TCF12: variants seen among roughly 807,000 people sequenced by gnomAD.
The protein encoded by TCF12 is transcription factor 12.
TCF12 carries 45 observed loss-of-function variants against 86.0 expected under a neutral mutation model. The observed-to-expected ratio is 0.52, with a 90% CI of 0.41 to 0.67. The LOEUF (loss-of-function observed/expected upper bound fraction) is 0.67, where lower values mean the gene tolerates loss of function less well. Among genes scored for constraint, TCF12 ranks in the 30% least tolerant of loss-of-function variants. The pLI is 0.00. For missense variants in TCF12, 881 were observed against 859.9 expected (o/e 1.02, Z -0.31); for synonymous variants, 330 against 299.6 (o/e 1.10, Z -1.05).
intron 8 of TCF12, among the ~76,000 whole-genome samples, chr15:57,206,417 AAATAAAGCTTTATTTATGAAAATAG>A (rs1182861599): frequency 5.0e-4 from 76 of 152,242 alleles, no homozygotes; most frequent in Non-Finnish European, 7.2e-4. Flanking sequence ...TTATGAAAAT[AAATAAAGCTTTATTTATGAAAATAG>A]AAGTTTGCCA....
intron 18 of TCF12, among the ~76,000 whole-genome samples, chr15:57,270,080 T>C (rs1222642322): frequency 6.6e-6 from 1 of 152,208 alleles, no homozygotes; most frequent in African/African-American, 2.4e-5. Flanking sequence ...GTTCTCTGTA[T>C]TTCCTGAATT....
chr15:57,232,534 T>G (rs1389238360), intron 10 of TCF12, 104 bp downstream of exon 10: 2 of 1,491,424 alleles, frequency 1.3e-6, no homozygotes, highest in East Asian at 2.3e-5. Flanking sequence ...CTTCTGAAGT[T>G]TGAAGTACTT....
chr15:57,041,092 G>A (rs2066866553), intron 3 of TCF12, among the ~76,000 whole-genome samples: 1 of 152,114 alleles, frequency 6.6e-6, no homozygotes, highest in Non-Finnish European at 1.5e-5. Context: ...ATTTGAGGCA[G>A]GATGTCCTAC....
At chr15:57,010,420 T>TA (rs1280637414) in intron 3 of TCF12, among the ~76,000 whole-genome samples, 5 of 151,860 alleles carry the variant, frequency 3.3e-5, no homozygotes, top group Non-Finnish European at 7.4e-5. Flanking sequence ...ATCTTTAAGT[T>TA]AAAAAAAATT....
chr15:57,232,926 A>G, intron 11 of TCF12, 70 bp downstream of exon 11: 2 of 1,051,366 alleles, frequency 1.9e-6, no homozygotes, highest in Non-Finnish European at 2.5e-6. Flanking sequence ...ATCTTTATAT[A>G]TATATATGTA....
chr15:57,126,059 C>T (rs548159745), intron 5 of TCF12, among the ~76,000 whole-genome samples: 1 of 152,126 alleles, frequency 6.6e-6, no homozygotes, highest in African/African-American at 2.4e-5. Context: ...GATGAAACCA[C>T]GTCCCTACTA....
intron 12 of TCF12, among the ~76,000 whole-genome samples, chr15:57,241,427 T>A (rs2059625236): frequency 6.6e-6 from 1 of 152,100 alleles, no homozygotes; most frequent in Non-Finnish European, 1.5e-5. Context: ...TGTTACTAGA[T>A]CCTCCCAAAG....
At chr15:57,208,080 CTGGAGTACAG>C (rs2057921565) in intron 8 of TCF12, among the ~76,000 whole-genome samples, 1 of 148,522 alleles carries the variant, frequency 6.7e-6, no homozygotes, top group African/African-American at 2.5e-5. Flanking sequence ...GTCGCTCAGG[CTGGAGTACAG>C]TGGTGCGATC....
chr15:57,140,116 A>G (rs574232491), intron 5 of TCF12, among the ~76,000 whole-genome samples: 135 of 152,316 alleles, frequency 8.9e-4, no homozygotes, highest in Non-Finnish European at 1.7e-3. Context: ...TGTTCATATC[A>G]GCATTATTCC....
chr15:57,180,975 C>A (rs1046714347), intron 6 of TCF12, among the ~76,000 whole-genome samples: 2 of 151,572 alleles, frequency 1.3e-5, no homozygotes, highest in Non-Finnish European at 2.9e-5. Context: ...CCACCACGCC[C>A]GCCTAATTTT....
rs1325219592 is a variant in TCF12 at position 56,988,184 on chromosome 15, CAT to C, written c.148+67087_148+67088del. On this transcript the variant is annotated intron_variant, in intron 3 of 20. Coordinates refer to ENST00000333725, the MANE Select transcript of TCF12 (RefSeq NM_207037.2). ...TATTTTCTGTCAGTAAAAATATAGT[CAT>C]GTGTCACTTGACAGGGATAAGTTGT... Among the ~76,000 whole-genome samples, 5 of 152,094 alleles carry C rather than the reference CAT, an allele frequency of 3.3e-5. No homozygotes were observed. The South Asian group carries it at 8.3e-4, about 25-fold the overall frequency.
rs1341287735 is a variant in TCF12 at position 57,142,340 on chromosome 15, AAG to A, written c.326-24060_326-24059del. ...AGATAGATAGATAGATAGATACAGA[AAG>A]AAATATAAATATAACTGTGTTACAT... On this transcript the variant is annotated intron_variant, in intron 5 of 20. Coordinates refer to ENST00000333725, the MANE Select transcript of TCF12 (RefSeq NM_207037.2). Among the ~76,000 whole-genome samples the A allele has an allele frequency of 1.5e-4, 3 of 19,556 alleles. No homozygotes were observed. In the East Asian group the frequency reaches 3.6e-3, roughly 24 times the overall value. 12.8% of individuals were successfully genotyped at this position (19,556 alleles called of 152,430 possible).
At chr15:57,099,600 A>T (rs1178289742) in intron 5 of TCF12, among the ~76,000 whole-genome samples, 1 of 152,158 alleles carries the variant, frequency 6.6e-6, no homozygotes, top group East Asian at 1.9e-4. Flanking sequence ...ATATGGTAAT[A>T]CTATATATCC....
At chr15:57,148,192 T>C (rs1356670459) in intron 5 of TCF12, among the ~76,000 whole-genome samples, 1 of 123,566 alleles carries the variant, frequency 8.1e-6, no homozygotes, top group East Asian at 2.3e-4. Context: ...TCGATTTTTG[T>C]TAACAGTATA....
At chr15:57,219,574 A>C in intron 8 of TCF12, 1 of 1,613,474 alleles carries the variant, frequency 6.2e-7, no homozygotes, top group South Asian at 1.1e-5. Context: ...TTGATGTATT[A>C]CTACAATGGG....
rs1456230806 is a variant in TCF12, at chr15:57,289,699, T to C, written c.*3554T>C. On this transcript the variant is annotated 3_prime_UTR_variant, in exon 21 of 21. Coordinates refer to ENST00000333725, the MANE Select transcript of TCF12 (RefSeq NM_207037.2). The stretch of plus-strand genomic sequence containing the variant: ...TCGATTCAAATCTAAGCTCAACATC[T>C]GATTAACTTCATTTTCCTATCTGAA... 1.3e-5 allele frequency: 2 copies of C among 152,316 alleles called. No homozygotes were observed. Among genetic ancestry groups the C allele is most frequent in the Non-Finnish European group, 2.9e-5 (2 of 68,032 alleles). 9.4% of individuals were successfully genotyped at this position (152,316 alleles called of 1,614,324 possible).
Position 57,236,042 on chromosome 15 carries a change from G to A in TCF12, c.1035+1935G>A, listed in dbSNP as rs186055751. ...TAATCTAGTTAGTGGGTGGGCTTTG[G>A]TTGTCATGGAAACTCAGCTCTGTCA... On this transcript the variant is annotated intron_variant, in intron 12 of 20. Transcript: ENST00000333725. 2.3e-3 allele frequency among the ~76,000 whole-genome samples: 356 copies of A among 152,266 alleles called. 2 individuals carry two copies. The highest frequency in any genetic ancestry group is 8.4e-3 in the African/African-American group (348 of 41,550).
At chr15:57,079,622 T>TA (rs1424495366) in intron 4 of TCF12, among the ~76,000 whole-genome samples, 1 of 152,208 alleles carries the variant, frequency 6.6e-6, no homozygotes, top group Admixed American at 6.5e-5. Context: ...TATTCAATTC[T>TA]AGTAGATGTT....
At chr15:56,926,261 C>T (rs2060009741) in intron 3 of TCF12, among the ~76,000 whole-genome samples, 1 of 149,696 alleles carries the variant, frequency 6.7e-6, no homozygotes. Flanking sequence ...TACAGTGAGC[C>T]GAGATTGTGC....
Sources: gnomAD v4.1 joint callset for allele counts (sites outside exome capture counted in the v4.1 genomes callset) on GRCh38, gnomAD v4.1.1 for gene constraint, MANE v1.5 for transcripts, NCBI Gene and HGNC (gene_info 2026-07-23, HGNC 2026-07-21) for gene names.